Variants in THSD7B observed in about 807,000 individuals in gnomAD.
THSD7B encodes the protein thrombospondin type 1 domain containing 7B, also known as thrombospondin type-1 domain-containing protein 7B.
In THSD7B, 138 loss-of-function variants were observed where a neutral mutation model predicts 213.6. That is an observed-to-expected ratio of 0.65 (90% CI 0.56 to 0.74). The LOEUF (loss-of-function observed/expected upper bound fraction) is 0.74. Among genes scored for constraint, THSD7B ranks in the 30% least tolerant of loss-of-function variants. The pLI, the probability that THSD7B is intolerant of heterozygous loss-of-function variation, is 0.00. For synonymous variants in THSD7B, 742 were observed against 687.0 expected (o/e 1.08, Z -1.25); for missense variants, 1,931 against 1,991.5 (o/e 0.97, Z 0.58).
intron 14 of THSD7B, among the ~76,000 whole-genome samples, chr2:137,441,136 C>A (rs545630400): frequency 1.8e-4 from 28 of 152,256 alleles, no homozygotes; most frequent in South Asian, 6.2e-4. Flanking sequence ...TAACAACATG[C>A]ATATCATTTT....
intron 3 of THSD7B, among the ~76,000 whole-genome samples, chr2:137,083,894 A>G (rs944282784): frequency 2.0e-5 from 3 of 152,160 alleles, no homozygotes; most frequent in Non-Finnish European, 2.9e-5. Flanking sequence ...CCACTGTATG[A>G]TTAAGAGTTT....
chr2:137,439,195 C>T (rs1034628497), intron 14 of THSD7B, among the ~76,000 whole-genome samples: 4 of 152,078 alleles, frequency 2.6e-5, no homozygotes, highest in Non-Finnish European at 5.9e-5. Context: ...TTTTTTTAAA[C>T]TACCAAGTTT....
chr2:136,790,117 GTT>G (rs887132745), intron 1 of THSD7B, among the ~76,000 whole-genome samples: 4 of 141,262 alleles, frequency 2.8e-5, no homozygotes, highest in African/African-American at 1.0e-4. Flanking sequence ...TTGTGTGTGT[GTT>G]TGTGTGTGTG....
At chr2:136,847,417 G>A (rs567138949) in intron 1 of THSD7B, among the ~76,000 whole-genome samples, 3 of 152,296 alleles carry the variant, frequency 2.0e-5, no homozygotes, top group East Asian at 1.9e-4. Flanking sequence ...GCTCAGAGGG[G>A]AAAGGATATT....
At chr2:137,426,036 A>G (rs1687047284) in intron 14 of THSD7B, among the ~76,000 whole-genome samples, 1 of 152,214 alleles carries the variant, frequency 6.6e-6, no homozygotes, top group Admixed American at 6.5e-5. Context: ...TATATACTAA[A>G]ACCAAACTGT....
chr2:137,283,089 T>C (rs1339715227), intron 12 of THSD7B, among the ~76,000 whole-genome samples: 1 of 152,172 alleles, frequency 6.6e-6, no homozygotes. Flanking sequence ...CATTGATCAG[T>C]GATTTGTCAT....
In THSD7B at chr2:137,144,700, AG is replaced by A. The variant is rs1200706620; in HGVS notation, c.1370-15510del. Among the ~76,000 whole-genome samples, 61 of 152,190 alleles carry A rather than the reference AG, an allele frequency of 4.0e-4. No homozygotes were observed. The South Asian group carries it at 5.6e-3, about 14-fold the overall frequency. On this transcript the variant is annotated intron_variant, in intron 5 of 27. Coordinates refer to ENST00000409968, the MANE Select transcript of THSD7B (RefSeq NM_001316349.2). ...AAATAGATGATCTAGACCTAACTAC[AG>A]GGTATTTGCAACCTAATTGGGAAGG...
intron 17 of THSD7B, among the ~76,000 whole-genome samples, chr2:137,607,973 T>C (rs369948644): frequency 6.6e-6 from 1 of 152,096 alleles, no homozygotes; most frequent in African/African-American, 2.4e-5. Context: ...CTCTTTGCAG[T>C]AGGCCAGCAA....
intron 8 of THSD7B, among the ~76,000 whole-genome samples, chr2:137,232,665 CTAAT>C (rs1315867947): frequency 6.6e-6 from 1 of 152,128 alleles, no homozygotes; most frequent in Non-Finnish European, 1.5e-5. Flanking sequence ...ATTTTAAAAT[CTAAT>C]TGATGTGGAC....
chr2:137,633,916 G>T (rs1359912674), intron 20 of THSD7B, among the ~76,000 whole-genome samples: 4 of 152,092 alleles, frequency 2.6e-5, no homozygotes, highest in African/African-American at 9.7e-5. Flanking sequence ...CTTAAACACA[G>T]AAATATATAT....
chr2:137,670,611 G>A (rs1683542209), intron 27 of THSD7B, among the ~76,000 whole-genome samples: 1 of 152,082 alleles, frequency 6.6e-6, no homozygotes, highest in Non-Finnish European at 1.5e-5. Flanking sequence ...TATAAATACA[G>A]TATTTCATTA....
chr2:137,090,904 T>A (rs575492619), intron 3 of THSD7B, among the ~76,000 whole-genome samples: 4 of 152,332 alleles, frequency 2.6e-5, no homozygotes, highest in Admixed American at 1.3e-4. Context: ...CGTAATAATA[T>A]ATCGTGATGC....
intron 10 of THSD7B, among the ~76,000 whole-genome samples, chr2:137,271,405 ATGAAT>A (rs1331807394): frequency 1.2e-4 from 17 of 142,320 alleles, no homozygotes; most frequent in African/African-American, 2.1e-4. Flanking sequence ...TTATATATAT[ATGAAT>A]TATAATATAT....
At chr2:136,816,342 C>T (rs1224517810) in intron 1 of THSD7B, among the ~76,000 whole-genome samples, 1 of 152,188 alleles carries the variant, frequency 6.6e-6, no homozygotes, top group African/African-American at 2.4e-5. Flanking sequence ...TAAATGTCTA[C>T]TACATGCACA....
intron 7 of THSD7B, among the ~76,000 whole-genome samples, chr2:137,198,036 A>G (rs1680800290): frequency 6.6e-6 from 1 of 152,126 alleles, no homozygotes; most frequent in Non-Finnish European, 1.5e-5. Context: ...TACATCTTTC[A>G]TGCCTCTGTG....
At chr2:137,591,235 T>C (rs1193614429) in intron 17 of THSD7B, among the ~76,000 whole-genome samples, 1 of 151,920 alleles carries the variant, frequency 6.6e-6, no homozygotes, top group African/African-American at 2.4e-5. Flanking sequence ...ATACATTTTT[T>C]CCAACTAGAA....
intron 22 of THSD7B, 44 bp downstream of exon 22, chr2:137,655,704 T>C (rs1683223953): frequency 6.4e-7 from 1 of 1,573,676 alleles, no homozygotes; most frequent in African/African-American, 1.4e-5. Context: ...TGGTGATCTT[T>C]TTGTTTATTT....
intron 17 of THSD7B, among the ~76,000 whole-genome samples, chr2:137,585,722 G>GT (rs1357703820): frequency 3.9e-5 from 6 of 152,120 alleles, no homozygotes; most frequent in Non-Finnish European, 7.4e-5. Flanking sequence ...TATAATATCT[G>GT]TTCTTTTACA....
intron 1 of THSD7B, among the ~76,000 whole-genome samples, chr2:136,817,317 G>C (rs538303831): frequency 1.2e-3 from 179 of 151,866 alleles, no homozygotes; most frequent in African/African-American, 4.2e-3. Context: ...TAGGTTGCCT[G>C]TTCACTCTGA....
Sources: gnomAD v4.1 joint callset for allele counts (sites outside exome capture counted in the v4.1 genomes callset) on GRCh38, gnomAD v4.1.1 for gene constraint, MANE v1.5 for transcripts, NCBI Gene and HGNC (gene_info 2026-07-23, HGNC 2026-07-21) for gene names.